PCDHGB2: variants seen among roughly 807,000 people sequenced by gnomAD.
PCDHGB2 encodes the protein protocadherin gamma subfamily B, 2, also known as protocadherin gamma-B2.
In PCDHGB2, 55 loss-of-function variants were observed where a neutral mutation model predicts 59.3. The observed-to-expected ratio is 0.93, with a 90% CI of 0.75 to 1.16. PCDHGB2 has a LOEUF of 1.16. Ranked by LOEUF, PCDHGB2 falls within the 50% of genes most tolerant of loss-of-function variation. The pLI, the probability that PCDHGB2 is intolerant of heterozygous loss-of-function variation, is 0.00. For synonymous variants in PCDHGB2, 516 were observed against 512.0 expected (o/e 1.01, Z -0.11); for missense variants, 1,228 against 1,198.5 (o/e 1.02, Z -0.36).
rs2091100634 is a variant in PCDHGB2 at position 141,387,811 on chromosome 5, A to C, written c.2421+25255A>C. 4 of 1,528,618 alleles carry C rather than the reference A, an allele frequency of 2.6e-6. No individual in the cohort carries two copies. The South Asian group carries it at 5.1e-5, about 19-fold the overall frequency. 94.7% of individuals were successfully genotyped at this position (1,528,618 alleles called of 1,614,324 possible). ...CAACTAAAGTCCGTTCGGAGATCCA[A>C]AAATCTGCAATACAGAGGTTATTTG... On this transcript the variant is annotated intron_variant, in intron 1 of 3. Transcript: ENST00000522605.
chr5:141,397,372 G>C (rs1014875277), intron 1 of PCDHGB2, among the ~76,000 whole-genome samples: 1 of 152,012 alleles, frequency 6.6e-6, no homozygotes, highest in Non-Finnish European at 1.5e-5. Context: ...AGATGTTTGG[G>C]GATTGGTATA....
chr5:141,486,263 G>GAACCTGGC lies in PCDHGB2; in HGVS notation c.2422-8542_2422-8535dup. 6.2e-7 allele frequency: 1 copy of GAACCTGGC among 1,614,090 alleles called. No homozygotes were observed. Among genetic ancestry groups the GAACCTGGC allele is most frequent in the South Asian group, 1.1e-5 (1 of 91,064 alleles). On this transcript the variant is annotated intron_variant, in intron 1 of 3. Coordinates refer to ENST00000522605, the MANE Select transcript of PCDHGB2 (RefSeq NM_018923.3). This position sits in a 1 kb window ranked among gnomAD's most constrained non-coding sequence, Gnocchi z 5.0. ...GCTTGGAACCCTCCCCGAGAGTGCAGAACCTGGCACTGTGGTGGCACTTAT... is the reference window on the plus strand; with the variant it reads ...GCTTGGAACCCTCCCCGAGAGTGCAGAACCTGGCAACCTGGCACTGTGGTGGCACTTAT...
chr5:141,486,409 C>G lies in PCDHGB2; in HGVS notation c.2422-8398C>G, dbSNP rs1396288134. On this transcript the variant is annotated intron_variant, in intron 1 of 3. Coordinates refer to ENST00000522605, the MANE Select transcript of PCDHGB2 (RefSeq NM_018923.3). The surrounding 1 kb of genome is among the most constrained non-coding windows in gnomAD (Gnocchi z 5.0). Reference sequence around the variant, plus strand: ...AGTTCTCCCTGGTGACTGCTGGACCCTTGGATCGAGAGGCCAAATCTAGCT... The same window carrying G: ...AGTTCTCCCTGGTGACTGCTGGACCGTTGGATCGAGAGGCCAAATCTAGCT... 6.2e-7 allele frequency: 1 copy of G among 1,614,170 alleles called. No individual in the cohort carries two copies. Among genetic ancestry groups the G allele is most frequent in the East Asian group, 2.2e-5 (1 of 44,874 alleles).
chr5:141,398,668 A>G, intron 1 of PCDHGB2: 1 of 1,614,026 alleles, frequency 6.2e-7, no homozygotes, highest in Non-Finnish European at 8.5e-7. Context: ...TTTCTCATTA[A>G]TAATTAAGGA....
At chr5:141,458,064 C>T (rs886724551) in intron 1 of PCDHGB2, among the ~76,000 whole-genome samples, 14 of 152,104 alleles carry the variant, frequency 9.2e-5, no homozygotes, top group East Asian at 3.9e-4. Context: ...TGCACTGATG[C>T]GAACAACTAT....
chr5:141,388,908 G>T, intron 1 of PCDHGB2: 2 of 1,613,892 alleles, frequency 1.2e-6, no homozygotes, highest in East Asian at 2.2e-5. Context: ...AAATGACAAC[G>T]CCCCAGAAGT....
At chr5:141,414,498 C>T (rs2095755127) in intron 1 of PCDHGB2, 1 of 1,613,848 alleles carries the variant, frequency 6.2e-7, no homozygotes, top group African/African-American at 1.3e-5. Flanking sequence ...CGGAAGCTCA[C>T]TTTATGCTAC....
rs769703158 is a variant in PCDHGB2, at chr5:141,362,447, C to G, written c.2312C>G (p.Thr771Ser). ...ACAGAGTTCAATTTTCTGAACATAA[C>G]CCCGGAATTGGTTCCCGCGCAAGAT... ...AKTEFNFLNI[T>S]PELVPAQDLV... is the part of the protein sequence containing the mutation. Residue 771 changes from threonine to serine, a missense_variant, in exon 1 of 4, where the codon ACC becomes AGC. Thr to Ser is a moderately conservative substitution (Grantham distance 58, BLOSUM62 1). Around this residue, in one of 3 missense-constraint regions of PCDHGB2, gnomAD observed 433 missense variants for 441.8 expected, o/e 0.98. Transcript: ENST00000522605. 1 of 1,614,048 alleles carries G rather than the reference C, an allele frequency of 6.2e-7. No individual in the cohort carries two copies. Among genetic ancestry groups the G allele is most frequent in the Non-Finnish European group, 8.5e-7 (1 of 1,179,904 alleles).
intron 2 of PCDHGB2, among the ~76,000 whole-genome samples, chr5:141,502,107 C>T (rs1292131951): frequency 6.6e-6 from 1 of 152,192 alleles, no homozygotes; most frequent in East Asian, 1.9e-4. Context: ...TGACCCTGCA[C>T]CCTCAGCCAG....
At chr5:141,472,980 C>CAAAAAAAA (rs60579131) in intron 1 of PCDHGB2, among the ~76,000 whole-genome samples, 7 of 86,098 alleles carry the variant, frequency 8.1e-5, no homozygotes, top group Admixed American at 1.2e-4. Context: ...GAGTGAAACT[C>CAAAAAAAA]AAAAAAAAAA....
At chr5:141,460,150 T>G (rs1169568683) in intron 1 of PCDHGB2, among the ~76,000 whole-genome samples, 1 of 152,106 alleles carries the variant, frequency 6.6e-6, no homozygotes, top group East Asian at 1.9e-4. Context: ...ATGTGAGCTC[T>G]TTGTCACATA....
At chr5:141,415,476 G>A (rs765634887) in intron 1 of PCDHGB2, 1 of 1,614,076 alleles carries the variant, frequency 6.2e-7, no homozygotes. Context: ...CCGCGGACTC[G>A]CGAAAGAGTC....
At chr5:141,470,201 G>C (rs2154570565) in intron 1 of PCDHGB2, among the ~76,000 whole-genome samples, 1 of 152,274 alleles carries the variant, frequency 6.6e-6, no homozygotes, top group Non-Finnish European at 1.5e-5. Flanking sequence ...AGATAAATAT[G>C]AAGGCTAAAC....
chr5:141,420,287 A>C, intron 1 of PCDHGB2: 1 of 1,498,884 alleles, frequency 6.7e-7, no homozygotes, highest in African/African-American at 1.4e-5. Context: ...AAGTATTTAA[A>C]AATGTATTTA....
chr5:141,438,619 TATATATATATATATATACACAC>T (rs1408639052), intron 1 of PCDHGB2, among the ~76,000 whole-genome samples: 61 of 39,666 alleles, frequency 1.5e-3, no homozygotes, highest in African/African-American at 9.2e-3. Context: ...TATATATATA[TATATATATATATATATACACAC>T]ACACACACAC....
Position 141,512,089 on chromosome 5 carries a change from T to C in PCDHGB2, c.*916T>C, listed in dbSNP as rs1292597067. 6.6e-6 allele frequency: 1 copy of C among 152,606 alleles called. No individual in the cohort carries two copies. Among genetic ancestry groups the C allele is most frequent in the Non-Finnish European group, 1.5e-5 (1 of 68,068 alleles). 9.5% of individuals were successfully genotyped at this position (152,606 alleles called of 1,614,324 possible). A position where few individuals can be genotyped will look rare whatever the true frequency, so the allele number is the denominator to read the frequency against. ...CCTCCAGATTCCAGCCATAAACCAA[T>C]AACTAGGCTGGACCCTTCCCACTAC... On this transcript the variant is annotated 3_prime_UTR_variant, in exon 4 of 4. Coordinates refer to ENST00000522605, the MANE Select transcript of PCDHGB2 (RefSeq NM_018923.3).
chr5:141,393,572 G>A, intron 1 of PCDHGB2: 1 of 1,613,908 alleles, frequency 6.2e-7, no homozygotes, highest in Non-Finnish European at 8.5e-7. Context: ...AAGTCCTTGA[G>A]AACATGCCCC....
intron 1 of PCDHGB2, among the ~76,000 whole-genome samples, chr5:141,464,702 G>T (rs934638404): frequency 1.3e-5 from 2 of 151,942 alleles, no homozygotes; most frequent in African/African-American, 2.4e-5. Context: ...TATGAATGAG[G>T]TTAAATAGTT....
intron 1 of PCDHGB2, chr5:141,398,054 A>C: frequency 1.3e-6 from 2 of 1,519,030 alleles, no homozygotes; most frequent in Non-Finnish European, 1.8e-6. Context: ...CGGAGATCCA[A>C]AAATCTACAA....
Sources: allele counts gnomAD v4.1 joint callset (sites outside exome capture counted in the v4.1 genomes callset), GRCh38; gene constraint gnomAD v4.1.1; regional missense constraint gnomAD v4.1.1; non-coding constraint Gnocchi (gnomAD v3.1); transcripts MANE v1.5; gene names NCBI Gene and HGNC (gene_info 2026-07-23, HGNC 2026-07-21).